The following TJP1 variants were observed in gnomAD, a reference collection of about 807,000 sequenced individuals.
TJP1 encodes tight junction protein 1, also known as tight junction protein ZO-1.
In TJP1, 43 loss-of-function variants were observed where a neutral mutation model predicts 194.2. The ratio of observed to expected loss-of-function variants is 0.22; its 90% CI spans 0.17 to 0.29. The LOEUF (loss-of-function observed/expected upper bound fraction) is 0.29, where lower values mean the gene tolerates loss of function less well. Ranked by LOEUF, TJP1 falls within the 10% of genes least tolerant of loss-of-function variation. TJP1 has a pLI of 1.00. For synonymous variants in TJP1, 801 were observed against 779.0 expected (o/e 1.03, Z -0.47); for missense variants, 1,971 against 2,185.7 (o/e 0.90, Z 1.96).
chr15:29,884,220 T>C (rs2053036156), intron 2 of TJP1, among the ~76,000 whole-genome samples: 1 of 152,236 alleles, frequency 6.6e-6, no homozygotes, highest in Non-Finnish European at 1.5e-5. Flanking sequence ...TCTCATGTTA[T>C]CCTTTTAAAA....
chr15:29,873,349 T>A (rs1195177173), intron 2 of TJP1, among the ~76,000 whole-genome samples: 1 of 152,138 alleles, frequency 6.6e-6, no homozygotes, highest in Admixed American at 6.5e-5. Context: ...TATTAGCTGT[T>A]CCCAAATTCA....
At chr15:29,888,123 T>C (rs150554370) in intron 2 of TJP1, among the ~76,000 whole-genome samples, 141 of 152,288 alleles carry the variant, frequency 9.3e-4, no homozygotes, top group African/African-American at 3.2e-3. Context: ...TCAAAGTGTT[T>C]ATAATAAAAT....
At chr15:29,826,882 A>C (rs1481644250), upstream of TJP1, among the ~76,000 whole-genome samples, 2 of 152,060 alleles carry the variant, frequency 1.3e-5, no homozygotes, top group Non-Finnish European at 2.9e-5. Flanking sequence ...TTTGTAAGTG[A>C]AGGTCAATGG....
intron 1 of TJP1, among the ~76,000 whole-genome samples, chr15:29,818,382 G>A (rs2050081738): frequency 6.6e-6 from 1 of 152,232 alleles, no homozygotes; most frequent in Non-Finnish European, 1.5e-5. Flanking sequence ...ATTCTTTGGT[G>A]ACGCAGAGAA....
intron 2 of TJP1, among the ~76,000 whole-genome samples, chr15:29,917,309 A>G (rs2054218137): frequency 6.6e-6 from 1 of 152,220 alleles, no homozygotes; most frequent in South Asian, 2.1e-4. Context: ...GAGTGGATTC[A>G]AAAGATTAAA....
chr15:29,822,525 A>ACGAGGCGAGG (rs1048284529), upstream of TJP1: 121 of 975,998 alleles, frequency 1.2e-4, no homozygotes, highest in Middle Eastern at 1.1e-3. Flanking sequence ...GCGGGGCTGG[A>ACGAGGCGAGG]CGAGGCGAGG....
chr15:29,700,547 G>A lies in TJP1; in HGVS notation c.*1048C>T. 1 of 398,280 alleles carries A rather than the reference G, an allele frequency of 2.5e-6. No homozygotes were observed. The highest frequency in any genetic ancestry group is 4.4e-6 in the Non-Finnish European group (1 of 225,900). The allele number at this position is 398,280 out of a possible 1,614,324, so 24.7% of individuals were successfully genotyped here. On this transcript the variant is annotated 3_prime_UTR_variant, in exon 28 of 28. Transcript: ENST00000614355. ...CAAGAGGTACAGGAGAGAATACAAA[G>A]GTAGCCTTTAGAAACGTGGTCTTGT...
intron 2 of TJP1, among the ~76,000 whole-genome samples, chr15:29,930,036 T>G (rs933721383): frequency 6.6e-6 from 1 of 152,080 alleles, no homozygotes; most frequent in Non-Finnish European, 1.5e-5. Context: ...CAAGAAGAAA[T>G]GTAAAACTTG....
intron 1 of TJP1, among the ~76,000 whole-genome samples, chr15:29,957,813 T>G (rs906891766): frequency 6.6e-6 from 1 of 152,230 alleles, no homozygotes; most frequent in Non-Finnish European, 1.5e-5. Context: ...GTTTCCTACA[T>G]GCTGATAGGT....
At chr15:29,716,882 A>G (rs1331889432) in intron 22 of TJP1, 44 bp from the exon 23 acceptor site, 1 of 1,492,476 alleles carries the variant, frequency 6.7e-7, no homozygotes, top group Non-Finnish European at 9.2e-7. Context: ...TTTAAATATT[A>G]ATGTTATGAA....
At chr15:29,737,109 G>GT (rs533664712) in intron 11 of TJP1, among the ~76,000 whole-genome samples, 155 bp downstream of exon 11, 56 of 152,298 alleles carry the variant, frequency 3.7e-4, no homozygotes, top group African/African-American at 1.3e-3. Context: ...CCAGCATAAG[G>GT]TAGACCTGAT....
At chr15:29,834,894 A>G (rs945612097) in intron 2 of TJP1, among the ~76,000 whole-genome samples, 8 of 152,258 alleles carry the variant, frequency 5.3e-5, no homozygotes, top group African/African-American at 1.9e-4. Flanking sequence ...AAAAGCCAAT[A>G]GATTCATTAT....
rs2041509114 is a variant in TJP1, at chr15:29,701,015, T to A, written c.*580A>T. On this transcript the variant is annotated 3_prime_UTR_variant, in exon 28 of 28. Transcript: ENST00000614355. ...CCATGGAACCAGTCTCACATGCTTT[T>A]GTATCCTTCCCTAAGAAAAATGTGT... is the stretch of plus-strand genomic sequence containing the variant. 1 of 153,128 alleles carries A rather than the reference T, an allele frequency of 6.5e-6. No homozygotes were observed. Among genetic ancestry groups the A allele is most frequent in the African/African-American group, 2.4e-5 (1 of 41,462 alleles). 9.5% of individuals were successfully genotyped at this position (153,128 alleles called of 1,614,324 possible).
At chr15:29,793,821 T>C (rs999115297) in intron 2 of TJP1, among the ~76,000 whole-genome samples, 1 of 152,204 alleles carries the variant, frequency 6.6e-6, no homozygotes, top group Non-Finnish European at 1.5e-5. Flanking sequence ...CAGAGTATGT[T>C]GAACCATCCT....
intron 1 of TJP1, among the ~76,000 whole-genome samples, chr15:29,958,662 TAC>T (rs138733754): frequency 6.6e-6 from 1 of 151,534 alleles, no homozygotes. Context: ...CACGTATATG[TAC>T]ACACACACAC....
intron 2 of TJP1, among the ~76,000 whole-genome samples, chr15:29,921,201 C>T (rs921611818): frequency 2.6e-5 from 4 of 152,198 alleles, no homozygotes; most frequent in Non-Finnish European, 5.9e-5. Context: ...CTCAAGCTTC[C>T]TGGCCCTCTG....
intron 8 of TJP1, among the ~76,000 whole-genome samples, chr15:29,757,853 G>T (rs2045745074): frequency 6.6e-6 from 1 of 152,158 alleles, no homozygotes; most frequent in Non-Finnish European, 1.5e-5. Flanking sequence ...ATTTAACTGT[G>T]TGGGTCCACT....
intron 8 of TJP1, among the ~76,000 whole-genome samples, chr15:29,751,655 T>C (rs1235350282): frequency 6.6e-6 from 1 of 152,192 alleles, no homozygotes; most frequent in Admixed American, 6.5e-5. Flanking sequence ...CTTTGACTAA[T>C]ACTTATGACT....
chr15:29,869,843 G>T (rs1175277331), intron 2 of TJP1, among the ~76,000 whole-genome samples: 4 of 105,908 alleles, frequency 3.8e-5, no homozygotes. Flanking sequence ...GTCTCACTCT[G>T]TTGCCCAGGC....
Sources: allele counts gnomAD v4.1 joint callset (sites outside exome capture counted in the v4.1 genomes callset), GRCh38; gene constraint gnomAD v4.1.1; transcripts MANE v1.5; gene names NCBI Gene and HGNC (gene_info 2026-07-23, HGNC 2026-07-21).